The following DUS1L variants were observed in gnomAD, a reference collection of about 807,000 sequenced individuals.
DUS1L encodes dihydrouridine synthase 1 like.
Under a neutral mutation model 61.2 loss-of-function variants are expected in DUS1L, and 56 were observed. The ratio of observed to expected loss-of-function variants is 0.92; its 90% CI spans 0.74 to 1.14. The LOEUF (loss-of-function observed/expected upper bound fraction) is 1.14. Among genes scored for constraint, DUS1L ranks in the 50% most tolerant of loss-of-function variants. The pLI is 0.00. For missense variants in DUS1L, 630 were observed against 632.4 expected (o/e 1.00, Z 0.04); for synonymous variants, 278 against 259.5 (o/e 1.07, Z -0.69).
rs777105111 is a variant in DUS1L at position 82,058,071 on chromosome 17, G to A, written c.*44C>T. The A allele has an allele frequency of 6.7e-7, 1 of 1,491,536 alleles. No individual in the cohort carries two copies. Among genetic ancestry groups the A allele is most frequent in the South Asian group, 1.3e-5 (1 of 75,064 alleles). The allele number at this position is 1,491,536 out of a possible 1,614,324, so 92.4% of individuals were successfully genotyped here. A position where few individuals can be genotyped will look rare whatever the true frequency, so the allele number is the denominator to read the frequency against. On this transcript the variant is annotated 3_prime_UTR_variant, in exon 14 of 14. Coordinates refer to ENST00000306796, the MANE Select transcript of DUS1L (RefSeq NM_022156.5). ...AAAGGCATTTTCTTAAGTAGGACGTGTCCAGGCTCCAGCAGCAGTCCTGGG... is the reference window on the plus strand; with the variant it reads ...AAAGGCATTTTCTTAAGTAGGACGTATCCAGGCTCCAGCAGCAGTCCTGGG...
Position 82,057,908 on chromosome 17 carries a change from T to G in DUS1L, c.*207A>C, listed in dbSNP as rs747820601. The G allele has an allele frequency of 6.8e-5, 32 of 467,674 alleles. No homozygotes were observed. The highest frequency in any genetic ancestry group is 1.1e-3 in the Middle Eastern group (2 of 1,786). The allele number at this position is 467,674 out of a possible 1,614,324, so 29.0% of individuals were successfully genotyped here. ...CTTTGAAATGATTTATTGTTCACTT[T>G]TGCACACGCGTGCTGAGGACAGGGC... On this transcript the variant is annotated 3_prime_UTR_variant, in exon 14 of 14. Coordinates refer to ENST00000306796, the MANE Select transcript of DUS1L (RefSeq NM_022156.5).
At chr17:82,059,743 C>T (rs980106626) in intron 11 of DUS1L, 9 of 650,180 alleles carry the variant, frequency 1.4e-5, no homozygotes, top group Non-Finnish European at 2.4e-5. Flanking sequence ...AGCCCATGTC[C>T]CACATGCACG....
chr17:82,060,960 G>T lies in DUS1L; in HGVS notation c.844C>A (p.Leu282Met). 1.2e-6 allele frequency: 2 copies of T among 1,608,992 alleles called. No homozygotes were observed. The highest frequency in any genetic ancestry group is 8.5e-7 in the Non-Finnish European group (1 of 1,179,756). Residue 282 changes from leucine to methionine, a missense_variant and splice_region_variant, in exon 9 of 14, where the codon CTG becomes ATG. By Grantham distance (15) the Leu-to-Met change is conservative (BLOSUM62 2). Transcript: ENST00000306796. Reference protein sequence around the residue: ...AHLFKLWHHTLQVHQELREEL... With the variant: ...AHLFKLWHHTMQVHQELREEL... ...TCTCGCAGCTCCTGGTGCACCTGCA[G>T]CCTGAGACAGAGGCCCTGTCACGCA...
chr17:82,060,415 G>C, intron 10 of DUS1L: 1 of 578,534 alleles, frequency 1.7e-6, no homozygotes, highest in African/African-American at 1.9e-5. Context: ...AAATCCACCA[G>C]GATCAGAGGA....
chr17:82,064,290 C>T (rs2033658099), intron 2 of DUS1L, 56 bp from the exon 3 acceptor site: 2 of 1,476,776 alleles, frequency 1.4e-6, no homozygotes, highest in East Asian at 4.7e-5. Context: ...TCCCTTGCTG[C>T]CCAGCCCTAC....
chr17:82,057,959 A>T lies in DUS1L; in HGVS notation c.*156T>A. On this transcript the variant is annotated 3_prime_UTR_variant, in exon 14 of 14. Transcript: ENST00000306796. The stretch of plus-strand genomic sequence containing the variant: ...AGGTCCAGCCTGGGGCCTGCTCCCC[A>T]CTGCAGCATTTCCAGGCCCCCAGAG... The T allele has an allele frequency of 1.1e-6, 1 of 906,764 alleles. No individual in the cohort carries two copies. Among genetic ancestry groups the T allele is most frequent in the Non-Finnish European group, 1.6e-6 (1 of 640,476 alleles). The allele number at this position is 906,764 out of a possible 1,614,324, so 56.2% of individuals were successfully genotyped here. A position where few individuals can be genotyped will look rare whatever the true frequency, so the allele number is the denominator to read the frequency against.
chr17:82,059,645 G>C, intron 11 of DUS1L: 1 of 405,156 alleles, frequency 2.5e-6, no homozygotes, highest in Non-Finnish European at 4.5e-6. Context: ...AGGCTGGGCA[G>C]GGGCAGCCGC....
rs2033557004 is a variant in DUS1L, at chr17:82,062,498, C to T, written c.510+363G>A. Among the ~76,000 whole-genome samples the T allele has an allele frequency of 2.6e-5, 4 of 152,258 alleles. No individual in the cohort carries two copies. The South Asian group carries it at 6.2e-4, about 24-fold the overall frequency. ...GGCCAGGCTCAGTGTGCGGGGAACA[C>T]GGGCAGGGGAGCAGCTCTGCTGACA... is the stretch of plus-strand genomic sequence containing the variant. On this transcript the variant is annotated intron_variant, in intron 5 of 13. Coordinates refer to ENST00000306796, the MANE Select transcript of DUS1L (RefSeq NM_022156.5).
intron 3 of DUS1L, 55 bp from the exon 4 acceptor site, chr17:82,063,573 A>G (rs1338278038): frequency 1.2e-6 from 2 of 1,608,500 alleles, no homozygotes; most frequent in Admixed American, 3.3e-5. Flanking sequence ...GGTGGGGCCG[A>G]AGCCTTGCAC....
At chr17:82,060,181 G>A in intron 10 of DUS1L, 88 bp from the exon 11 acceptor site, 4 of 1,501,544 alleles carry the variant, frequency 2.7e-6, no homozygotes, top group East Asian at 2.4e-5. Flanking sequence ...TGGGTGAGGG[G>A]CCAGGCGGCC....
At position 82,059,978 on chromosome 17, in the gene DUS1L, G is replaced by A. The variant is rs768651289; in HGVS notation, c.1138C>T (p.Pro380Ser). 1.6e-5 allele frequency: 26 copies of A among 1,613,968 alleles called. No individual in the cohort carries two copies. In the Middle Eastern group the frequency reaches 8.3e-4, roughly 51 times the overall value. Residue 380 changes from proline (P) to serine (S), a missense_variant, in exon 11 of 14, where the codon CCC (proline) becomes TCC (serine). Pro to Ser is a moderately conservative substitution (Grantham distance 74). Coordinates refer to ENST00000306796, the MANE Select transcript of DUS1L (RefSeq NM_022156.5). Reference protein sequence around the residue: ...KNKQKKQLRNPHKTFDPSLKP... With the variant: ...KNKQKKQLRNSHKTFDPSLKP... The stretch of plus-strand genomic sequence containing the variant: ...AGAGAGGGGTCGAAGGTCTTGTGGG[G>A]GTTCCTCAGCTGCTTCTTTTGCTTG...
In DUS1L at chr17:82,058,786, G is replaced by C; in HGVS notation, c.1201C>G (p.Pro401Ala). The part of the protein sequence containing the change: ...KYAKCDQCGN[P>A]KGNRCVFSLC... Reference sequence around the variant, plus strand: ...TGCAGCCGGAACCCACTCACCTTTGGGTTTCCACACTGGTCACACTTTGCA... The same window carrying C: ...TGCAGCCGGAACCCACTCACCTTTGCGTTTCCACACTGGTCACACTTTGCA... Residue 401 changes from proline (P) to alanine (A), a missense_variant, in exon 12 of 14, where the codon CCA becomes GCA. Transcript: ENST00000306796. 1 of 1,613,424 alleles carries C rather than the reference G, an allele frequency of 6.2e-7. No homozygotes were observed. Among genetic ancestry groups the C allele is most frequent in the Non-Finnish European group, 8.5e-7 (1 of 1,179,938 alleles).
rs768518171 is a variant in DUS1L, at chr17:82,060,900, C to T, written c.904G>A (p.Ala302Thr). Residue 302 changes from alanine (A) to threonine (T), a missense_variant, in exon 9 of 14, where the codon GCT becomes ACT. By Grantham distance (58) the Ala-to-Thr change is moderately conservative. Coordinates refer to ENST00000306796, the MANE Select transcript of DUS1L (RefSeq NM_022156.5). ...LAKVKTLEGI[A>T]AVSQELKLRC... is the part of the protein sequence containing the mutation. ...AGCTTCAGCTCCTGGCTCACAGCAG[C>T]GATGCCCTCCAGGGTCTTCACCTTG... is the stretch of plus-strand genomic sequence containing the variant. 9 of 1,611,386 alleles carry T rather than the reference C, an allele frequency of 5.6e-6. No individual in the cohort carries two copies. In the East Asian group the frequency reaches 1.1e-4, roughly 20 times the overall value.
Position 82,061,343 on chromosome 17 carries a change from C to A in DUS1L, c.708G>T (p.Leu236=), listed in dbSNP as rs111383728. ...VQGVMSAEGN[L]HNPALFEGRS... The stretch of plus-strand genomic sequence containing the variant: ...GGCCCTCGAACAGGGCGGGGTTGTG[C>A]AGGTTGCCCTCTGTGGGAGGAGGAG... The change falls in exon 8 of 14, where the codon CTG becomes CTT. Residue 236 remains leucine, a synonymous_variant. Transcript: ENST00000306796. 1.9e-6 allele frequency: 3 copies of A among 1,578,522 alleles called. No homozygotes were observed. The highest frequency in any genetic ancestry group is 1.1e-5 in the South Asian group (1 of 87,264).
In DUS1L at chr17:82,057,928, C is replaced by T. The variant is rs879009305; in HGVS notation, c.*187G>A. 5.1e-6 allele frequency: 3 copies of T among 582,870 alleles called. No individual in the cohort carries two copies. Among genetic ancestry groups the T allele is most frequent in the Non-Finnish European group, 8.2e-6 (3 of 363,880 alleles). 36.1% of individuals were successfully genotyped at this position (582,870 alleles called of 1,614,324 possible). ...CACTTTTGCACACGCGTGCTGAGGACAGGGCAGGTCCAGCCTGGGGCCTGC... is the reference window on the plus strand; with the variant it reads ...CACTTTTGCACACGCGTGCTGAGGATAGGGCAGGTCCAGCCTGGGGCCTGC... On this transcript the variant is annotated 3_prime_UTR_variant, in exon 14 of 14. Transcript: ENST00000306796.
intron 10 of DUS1L, 178 bp downstream of exon 10, chr17:82,060,523 G>C (rs949538523): frequency 1.3e-6 from 1 of 742,204 alleles, no homozygotes; most frequent in Non-Finnish European, 2.1e-6. Context: ...CAAGGACACC[G>C]AGGGGCACGT....
intron 5 of DUS1L, 96 bp from the exon 6 acceptor site, chr17:82,062,079 C>A: frequency 8.8e-7 from 1 of 1,131,998 alleles, no homozygotes; most frequent in Non-Finnish European, 1.2e-6. Flanking sequence ...CTACTCCACC[C>A]CTCCGAGCCC....
In DUS1L at chr17:82,061,274, G is replaced by A. The variant is rs750909173; in HGVS notation, c.777C>T (p.Ile259=). ...VWELAEEYLD[I]VREHPCPLSY... is the part of the protein sequence containing the mutation. ...ACAGGGGGCAGGGGTGCTCCCGCAC[G>A]ATGTCCAGATACTCCTCGGCCAGCT... The change falls in exon 8 of 14, where the codon ATC becomes ATT. Residue 259 remains isoleucine, a synonymous_variant. Coordinates refer to ENST00000306796, the MANE Select transcript of DUS1L (RefSeq NM_022156.5). The A allele has an allele frequency of 3.6e-5, 58 of 1,611,040 alleles. No homozygotes were observed. Among genetic ancestry groups the A allele is most frequent in the Admixed American group, 6.7e-5 (4 of 59,870 alleles).
chr17:82,064,329 G>A (rs1332362729), intron 2 of DUS1L, 95 bp from the exon 3 acceptor site: 4 of 1,056,466 alleles, frequency 3.8e-6, no homozygotes, highest in African/African-American at 3.1e-5. Flanking sequence ...CCATGAGGGT[G>A]TGGGCCCAGG....
Sources: gnomAD v4.1 joint callset for allele counts (sites outside exome capture counted in the v4.1 genomes callset) on GRCh38, gnomAD v4.1.1 for gene constraint, MANE v1.5 for transcripts, NCBI Gene and HGNC (gene_info 2026-07-23, HGNC 2026-07-21) for gene names.